MAGI3: variants seen among roughly 807,000 people sequenced by gnomAD.
MAGI3 encodes the protein membrane associated guanylate kinase, WW and PDZ domain containing 3.
In MAGI3, 43 loss-of-function variants were observed where a neutral mutation model predicts 121.8. That is an observed-to-expected ratio of 0.35 (90% CI 0.28 to 0.46). MAGI3 has a LOEUF of 0.46. Among genes scored for constraint, MAGI3 ranks in the 20% least tolerant of loss-of-function variants. The probability of loss-of-function intolerance (pLI) is 1.00; values close to 1 mark genes in which losing one functional copy is unlikely to be tolerated. For missense variants in MAGI3, 1,547 were observed against 1,797.3 expected (o/e 0.86, Z 2.52); for synonymous variants, 553 against 639.3 (o/e 0.86, Z 2.04).
At chr1:113,671,423 G>T (rs773232072) in intron 16 of MAGI3, among the ~76,000 whole-genome samples, 4 of 152,036 alleles carry the variant, frequency 2.6e-5, no homozygotes, top group Non-Finnish European at 5.9e-5. Context: ...TATAGTTCCT[G>T]GAGCTCTGTC....
chr1:113,603,113 T>C (rs1649509286), intron 6 of MAGI3, among the ~76,000 whole-genome samples: 1 of 145,996 alleles, frequency 6.8e-6, no homozygotes, highest in South Asian at 2.1e-4. Context: ...GAAATGAAAA[T>C]GAAAATGAAA....
intron 10 of MAGI3, 80 bp from the exon 11 acceptor site, chr1:113,643,663 T>A (rs1455417008): frequency 7.3e-7 from 1 of 1,378,792 alleles, no homozygotes; most frequent in Non-Finnish European, 1.0e-6. Flanking sequence ...TTGAAGCTAG[T>A]TTTATCGTAA....
At chr1:113,627,711 G>A (rs1373559745) in intron 9 of MAGI3, among the ~76,000 whole-genome samples, 1 of 151,184 alleles carries the variant, frequency 6.6e-6, no homozygotes, top group Non-Finnish European at 1.5e-5. Flanking sequence ...AGTGTTGGAT[G>A]CATATACATT....
At chr1:113,553,263 C>T (rs1659855966) in intron 2 of MAGI3, among the ~76,000 whole-genome samples, 1 of 152,124 alleles carries the variant, frequency 6.6e-6, no homozygotes, top group Non-Finnish European at 1.5e-5. Flanking sequence ...GTACAATGGA[C>T]TCTGAGTTGA....
chr1:113,660,847 T>G (rs1653753104), intron 16 of MAGI3, among the ~76,000 whole-genome samples: 1 of 150,888 alleles, frequency 6.6e-6, no homozygotes, highest in South Asian at 2.1e-4. Flanking sequence ...CAAGCGATCT[T>G]CCTGCCTCAG....
intron 1 of MAGI3, among the ~76,000 whole-genome samples, chr1:113,524,932 G>T (rs970627852): frequency 5.9e-5 from 9 of 152,152 alleles, no homozygotes; most frequent in Admixed American, 3.3e-4. Flanking sequence ...GGAGGAAATT[G>T]AATCATGGGG....
chr1:113,503,309 GAAA>G (rs59331456), intron 1 of MAGI3, among the ~76,000 whole-genome samples: 19 of 36,132 alleles, frequency 5.3e-4, no homozygotes, highest in Admixed American at 1.4e-3. Flanking sequence ...CCTGTCTCAG[GAAA>G]AAAAAAAAAA....
chr1:113,490,577 G>A (rs779494600), intron 1 of MAGI3, among the ~76,000 whole-genome samples: 2 of 152,206 alleles, frequency 1.3e-5, no homozygotes, highest in African/African-American at 4.8e-5. Flanking sequence ...AAGGCAGAGA[G>A]TGGCTAGCTG....
Position 113,529,589 on chromosome 1 carries a change from G to A in MAGI3, c.317-19926G>A, listed in dbSNP as rs182994627. 2.3e-3 allele frequency among the ~76,000 whole-genome samples: 345 copies of A among 152,232 alleles called. 2 individuals carry two copies. The highest frequency in any genetic ancestry group is 7.9e-3 in the African/African-American group (330 of 41,540). On this transcript the variant is annotated intron_variant, in intron 1 of 20. Transcript: ENST00000307546. ...TTGGGGGAACATAAATATTTAGTCTGTGGCAGTACTACAACTCTAACTATC... is the reference window on the plus strand; with the variant it reads ...TTGGGGGAACATAAATATTTAGTCTATGGCAGTACTACAACTCTAACTATC...
At chr1:113,424,037 G>C (rs1317763399) in intron 1 of MAGI3, among the ~76,000 whole-genome samples, 1 of 152,152 alleles carries the variant, frequency 6.6e-6, no homozygotes, top group Non-Finnish European at 1.5e-5. Context: ...CGCCCTGCAA[G>C]AGCGCAAGGA....
At chr1:113,578,698 A>G (rs1647813121) in intron 2 of MAGI3, among the ~76,000 whole-genome samples, 1 of 152,192 alleles carries the variant, frequency 6.6e-6, no homozygotes, top group Non-Finnish European at 1.5e-5. Context: ...TGATTCAGAG[A>G]ATCTAACAAT....
intron 1 of MAGI3, among the ~76,000 whole-genome samples, chr1:113,480,409 A>AG (rs1219125621): frequency 6.6e-6 from 1 of 152,110 alleles, no homozygotes; most frequent in Non-Finnish European, 1.5e-5. Context: ...CTGGGTCCAC[A>AG]GGGGCAGGCC....
chr1:113,453,299 CCT>C (rs1654577036), intron 1 of MAGI3, among the ~76,000 whole-genome samples: 1 of 152,100 alleles, frequency 6.6e-6, no homozygotes, highest in South Asian at 2.1e-4. Flanking sequence ...ATGCTTGTCT[CCT>C]GTTTCCAATT....
chr1:113,673,797 G>C (rs1647704075), intron 19 of MAGI3, among the ~76,000 whole-genome samples: 1 of 152,284 alleles, frequency 6.6e-6, no homozygotes, highest in African/African-American at 2.4e-5. Flanking sequence ...CTTAATAAGA[G>C]TCTTGAGAAA....
chr1:113,596,892 C>T (rs190191973), intron 6 of MAGI3, among the ~76,000 whole-genome samples: 3 of 151,964 alleles, frequency 2.0e-5, no homozygotes, highest in Non-Finnish European at 2.9e-5. Flanking sequence ...ATGGTATAGC[C>T]ACTTTGGAGA....
chr1:113,523,814 C>T lies in MAGI3; in HGVS notation c.317-25701C>T, dbSNP rs1220477453. ...CAGCAGCAGAAATTTGCATAAGTAA[C>T]GAGGAGCCAAATGTTAATCCCCAAG... On this transcript the variant is annotated intron_variant, in intron 1 of 20. Coordinates refer to ENST00000307546, the MANE Select transcript of MAGI3 (RefSeq NM_001142782.2). 3.3e-5 allele frequency among the ~76,000 whole-genome samples: 5 copies of T among 152,130 alleles called. No homozygotes were observed. In the South Asian group the frequency reaches 8.3e-4, roughly 25 times the overall value.
At chr1:113,612,358 T>C (rs1221768885) in intron 6 of MAGI3, among the ~76,000 whole-genome samples, 1 of 152,224 alleles carries the variant, frequency 6.6e-6, no homozygotes, top group East Asian at 1.9e-4. Context: ...ATCATTTATC[T>C]CTTCTGTCTT....
intron 1 of MAGI3, among the ~76,000 whole-genome samples, chr1:113,510,355 CTT>C (rs34379798): frequency 6.7e-5 from 9 of 133,380 alleles, no homozygotes; most frequent in Admixed American, 1.5e-4. Context: ...TAGGCCTTGA[CTT>C]TTTTTTTTTT....
intron 2 of MAGI3, among the ~76,000 whole-genome samples, chr1:113,550,103 G>C (rs560448247): frequency 8.4e-4 from 105 of 125,532 alleles, no homozygotes; most frequent in African/African-American, 3.0e-3. Context: ...GTGACAGAGC[G>C]ATACTCTGTC....
Sources: gnomAD v4.1 joint callset for allele counts (sites outside exome capture counted in the v4.1 genomes callset) on GRCh38, gnomAD v4.1.1 for gene constraint, MANE v1.5 for transcripts, NCBI Gene and HGNC (gene_info 2026-07-23, HGNC 2026-07-21) for gene names.